Variants in MAPK10 observed in about 807,000 individuals in gnomAD.
MAPK10 encodes mitogen-activated protein kinase 10, also known as JNK3 alpha protein kinase.
In MAPK10, 25 loss-of-function variants were observed where a neutral mutation model predicts 59.3. That is an observed-to-expected ratio of 0.42 (90% CI 0.31 to 0.59). The LOEUF (loss-of-function observed/expected upper bound fraction) is 0.59, where lower values mean the gene tolerates loss of function less well. Ranked by LOEUF, MAPK10 falls within the 20% of genes least tolerant of loss-of-function variation. The probability of loss-of-function intolerance (pLI) is 0.15; values close to 1 mark genes in which losing one functional copy is unlikely to be tolerated. For missense variants in MAPK10, 351 were observed against 568.9 expected, an observed-to-expected ratio of 0.62 and a Z score of 3.90; for synonymous variants, 190 against 200.5, an observed-to-expected ratio of 0.95 and a Z score of 0.44.
intron 1 of MAPK10, among the ~76,000 whole-genome samples, chr4:86,540,946 A>G (rs952645721): frequency 1.1e-4 from 17 of 152,176 alleles, no homozygotes; most frequent in African/African-American, 4.1e-4. Context: ...TGAACAACAA[A>G]AGCAGAGGTA....
chr4:86,180,849 T>C (rs951564744), intron 3 of MAPK10, among the ~76,000 whole-genome samples: 7 of 151,878 alleles, frequency 4.6e-5, no homozygotes, highest in Non-Finnish European at 7.4e-5. Context: ...GAGGCTGAGA[T>C]GGGTAAGGGT....
At chr4:86,538,292 A>T (rs1417013152) in intron 1 of MAPK10, among the ~76,000 whole-genome samples, 1 of 152,050 alleles carries the variant, frequency 6.6e-6, no homozygotes, top group East Asian at 1.9e-4. Context: ...GATTACAGGC[A>T]TGTACCACCA....
chr4:86,462,675 G>C (rs1181634551), intron 1 of MAPK10, among the ~76,000 whole-genome samples: 1 of 152,110 alleles, frequency 6.6e-6, no homozygotes, highest in African/African-American at 2.4e-5. Context: ...GGGCCTGATG[G>C]ACAACCTGGG....
intron 2 of MAPK10, among the ~76,000 whole-genome samples, chr4:86,336,784 C>CTTTTTTTTTT (rs70948788): frequency 2.4e-5 from 2 of 83,066 alleles, no homozygotes; most frequent in African/African-American, 4.9e-5. Context: ...GGAATGACTC[C>CTTTTTTTTTT]TTTTTTTTTT....
At chr4:86,369,984 C>T (rs555344743) in intron 1 of MAPK10, among the ~76,000 whole-genome samples, 1 of 152,236 alleles carries the variant, frequency 6.6e-6, no homozygotes, top group Admixed American at 6.5e-5. Flanking sequence ...GTGCCTAGCA[C>T]AACCCTTAGT....
intron 4 of MAPK10, among the ~76,000 whole-genome samples, chr4:86,150,657 C>T (rs563098665): frequency 3.3e-5 from 5 of 152,094 alleles, no homozygotes; most frequent in Admixed American, 1.3e-4. Context: ...GTCAGGAGAT[C>T]GAGACCATCC....
chr4:86,354,072 T>C (rs955388705), intron 2 of MAPK10, among the ~76,000 whole-genome samples: 6 of 152,260 alleles, frequency 3.9e-5, no homozygotes, highest in African/African-American at 1.4e-4. Context: ...AAAACTGTGA[T>C]TTCTCTTCTC....
chr4:86,259,150 C>A (rs2093881426), intron 2 of MAPK10, among the ~76,000 whole-genome samples: 1 of 152,074 alleles, frequency 6.6e-6, no homozygotes, highest in South Asian at 2.1e-4. Context: ...CCCTTAACTT[C>A]TAATGTTCCC....
chr4:86,449,340 G>A (rs1750422972), intron 1 of MAPK10, among the ~76,000 whole-genome samples: 1 of 152,150 alleles, frequency 6.6e-6, no homozygotes, highest in Non-Finnish European at 1.5e-5. Context: ...TGTCTTTATG[G>A]TCATGAAGGT....
chr4:86,404,197 CT>C (rs929363331), intron 1 of MAPK10, among the ~76,000 whole-genome samples: 11 of 149,542 alleles, frequency 7.4e-5, no homozygotes, highest in South Asian at 6.4e-4. Context: ...AAACAATATT[CT>C]TTTTTTTTTC....
intron 1 of MAPK10, among the ~76,000 whole-genome samples, chr4:86,388,311 C>T (rs1244145781): frequency 6.6e-6 from 1 of 152,050 alleles, no homozygotes; most frequent in Non-Finnish European, 1.5e-5. Context: ...TGTCAGTAAA[C>T]ATTCATATAT....
At chr4:86,403,773 G>A (rs1324191936) in intron 1 of MAPK10, among the ~76,000 whole-genome samples, 2 of 152,054 alleles carry the variant, frequency 1.3e-5, no homozygotes, top group African/African-American at 2.4e-5. Flanking sequence ...ACAGCATGGG[G>A]AAAACTGCCC....
At chr4:86,364,096 T>C (rs1244728730), upstream of MAPK10, among the ~76,000 whole-genome samples, 3 of 82,872 alleles carry the variant, frequency 3.6e-5, no homozygotes, top group Non-Finnish European at 9.3e-5. Context: ...TGAAACTCTT[T>C]ATTGTTGTTG....
At chr4:86,473,646 A>G (rs1176530252) in intron 1 of MAPK10, among the ~76,000 whole-genome samples, 1 of 152,208 alleles carries the variant, frequency 6.6e-6, no homozygotes, top group East Asian at 1.9e-4. Context: ...CCCAATTTTA[A>G]AACCGCATTA....
intron 2 of MAPK10, among the ~76,000 whole-genome samples, chr4:86,215,038 T>G (rs79811925): frequency 6.6e-6 from 1 of 152,084 alleles, no homozygotes; most frequent in African/African-American, 2.4e-5. Flanking sequence ...TAATCAAAAC[T>G]GTGTAGTACT....
intron 11 of MAPK10, among the ~76,000 whole-genome samples, chr4:86,054,818 A>G (rs912887267): frequency 2.6e-5 from 4 of 152,178 alleles, no homozygotes; most frequent in African/African-American, 9.6e-5. Flanking sequence ...TAGCTTTTTC[A>G]CAGCATGACA....
At chr4:86,143,059 G>T (rs1007776825) in intron 4 of MAPK10, among the ~76,000 whole-genome samples, 9 of 152,164 alleles carry the variant, frequency 5.9e-5, no homozygotes, top group African/African-American at 9.7e-5. Context: ...TGTTGGGGAG[G>T]TCTCAGGAAA....
intron 2 of MAPK10, among the ~76,000 whole-genome samples, chr4:86,304,601 C>A (rs1014600430): frequency 6.6e-6 from 1 of 151,406 alleles, no homozygotes; most frequent in Non-Finnish European, 1.5e-5. Flanking sequence ...ACCGTGTTAG[C>A]CAAGATGGTC....
intron 2 of MAPK10, among the ~76,000 whole-genome samples, chr4:86,346,049 GT>G (rs1728003663): frequency 6.6e-6 from 1 of 152,308 alleles, no homozygotes; most frequent in Admixed American, 6.5e-5. Context: ...AACAGAATGT[GT>G]TTTGGTTCCT....
Sources: allele counts gnomAD v4.1 joint callset (sites outside exome capture counted in the v4.1 genomes callset), GRCh38; gene constraint gnomAD v4.1.1; transcripts MANE v1.5; gene names NCBI Gene and HGNC (gene_info 2026-07-23, HGNC 2026-07-21).